Variants in FAM161A observed in about 807,000 individuals in gnomAD.
The protein encoded by FAM161A is FAM161 centrosomal protein A.
Under a neutral mutation model 70.9 loss-of-function variants are expected in FAM161A, and 57 were observed. The ratio of observed to expected loss-of-function variants is 0.80; its 90% CI spans 0.65 to 1.00. FAM161A has a LOEUF of 1.00. FAM161A is among the 50% of genes least tolerant of loss of function. The pLI, the probability that FAM161A is intolerant of heterozygous loss-of-function variation, is 0.00. For synonymous variants in FAM161A, 299 were observed against 295.7 expected (o/e 1.01, Z -0.12); for missense variants, 880 against 836.0 (o/e 1.05, Z -0.65).
At chr2:61,845,554 A>T (rs942992259) in intron 1 of FAM161A, among the ~76,000 whole-genome samples, 1 of 152,126 alleles carries the variant, frequency 6.6e-6, no homozygotes, top group East Asian at 1.9e-4. Context: ...CAGGTGTGGT[A>T]GCTCATGCCT....
chr2:61,828,475 C>T (rs780342306), intron 5 of FAM161A, among the ~76,000 whole-genome samples: 10 of 152,038 alleles, frequency 6.6e-5, no homozygotes, highest in Admixed American at 3.9e-4. Flanking sequence ...ACCATAGGCG[C>T]GTGCCACCAT....
the FAM161A span, among the ~76,000 whole-genome samples, chr2:61,813,810 T>C: frequency 2.0e-5 from 3 of 152,236 alleles, no homozygotes; most frequent in Admixed American, 6.5e-5. Context: ...GCTTGATTAT[T>C]ATGGATTTAT....
At chr2:61,801,505 A>T in the FAM161A span, among the ~76,000 whole-genome samples, 4 of 151,888 alleles carry the variant, frequency 2.6e-5, no homozygotes, top group Non-Finnish European at 5.9e-5. Flanking sequence ...TCAAAAAAAA[A>T]AAAATAGAAT....
the FAM161A span, among the ~76,000 whole-genome samples, chr2:61,810,223 GAAGT>G: frequency 1.2e-4 from 18 of 152,270 alleles, no homozygotes; most frequent in Non-Finnish European, 2.1e-4. Context: ...GGAAATAATA[GAAGT>G]AAGACAGAGA....
At chr2:61,804,819 A>AAAGAAAGAAAGG in the FAM161A span, among the ~76,000 whole-genome samples, 3 of 114,240 alleles carry the variant, frequency 2.6e-5, no homozygotes, top group East Asian at 2.9e-4. Context: ...AGAAAGAAAG[A>AAAGAAAGAAAGG]GAAAGAGAAA....
chr2:61,805,111 T>G, the FAM161A span, among the ~76,000 whole-genome samples: 1 of 152,180 alleles, frequency 6.6e-6, no homozygotes, highest in South Asian at 2.1e-4. Context: ...TTTTCCATCT[T>G]AACCAATTGC....
intron 5 of FAM161A, among the ~76,000 whole-genome samples, chr2:61,833,425 CAA>C (rs35987360): frequency 0.39 from 43,507 of 110,236 alleles, 6,665 homozygotes; most frequent in East Asian, 0.65. Flanking sequence ...GACTCTGTCT[CAA>C]AAAAAAAAAA....
At chr2:61,830,201 C>G (rs1245658449) in intron 5 of FAM161A, among the ~76,000 whole-genome samples, 1 of 152,102 alleles carries the variant, frequency 6.6e-6, no homozygotes, top group East Asian at 1.9e-4. Flanking sequence ...ATGAATGGTT[C>G]TGCAAAGAGC....
intron 1 of FAM161A, among the ~76,000 whole-genome samples, chr2:61,842,698 T>A (rs1485425078): frequency 6.6e-6 from 1 of 152,202 alleles, no homozygotes; most frequent in Non-Finnish European, 1.5e-5. Context: ...AGGAGCCTCC[T>A]GAGTTGTAAG....
At position 61,838,689 on chromosome 2, in the gene FAM161A, T is replaced by A. The variant is rs754970441; in HGVS notation, c.1600A>T (p.Lys534Ter). The A allele has an allele frequency of 6.2e-7, 1 of 1,607,876 alleles. No homozygotes were observed. Among genetic ancestry groups the A allele is most frequent in the South Asian group, 1.1e-5 (1 of 90,052 alleles). The change falls in exon 4 of 7, where the codon AAG becomes TAG. Residue 534 changes from lysine (K) to a stop codon, truncating the protein, a stop_gained. Transcript: ENST00000404929. LOFTEE classifies it high-confidence loss of function. ...TTTCTCTCTTCTTCCAACATTTTCT[T>A]TTCCTCAAGTGATCTCCTGAGGGTA... is the stretch of plus-strand genomic sequence containing the variant. ...EQAVRRSLEE[K>*]KMLEEERNRI...
chr2:61,836,213 A>G (rs1162576160), intron 4 of FAM161A, 104 bp from the exon 5 acceptor site: 23 of 879,256 alleles, frequency 2.6e-5, no homozygotes, highest in Middle Eastern at 3.4e-4. Context: ...CAATGAAAAA[A>G]AAGAAATAAC....
chr2:61,817,047 A>G, the FAM161A span, among the ~76,000 whole-genome samples: 2 of 152,192 alleles, frequency 1.3e-5, no homozygotes, highest in Non-Finnish European at 2.9e-5. Context: ...AACTTTATCT[A>G]AAAAAGAAAT....
rs369215114 is a variant in FAM161A, at chr2:61,842,678, T to C, written c.184-318A>G. Among the ~76,000 whole-genome samples the C allele has an allele frequency of 3.0e-4, 46 of 152,294 alleles. 1 individual carries two copies. Among genetic ancestry groups the C allele is most frequent in the South Asian group, 1.9e-3 (9 of 4,826 alleles). ...TAGAACCCAACAACCCTTTACAAAGTATTTCTATAAGGAGCCTCCTGAGTT... is the reference window on the plus strand; with the variant it reads ...TAGAACCCAACAACCCTTTACAAAGCATTTCTATAAGGAGCCTCCTGAGTT... On this transcript the variant is annotated intron_variant, in intron 1 of 6. Transcript: ENST00000404929.
At chr2:61,817,388 A>G in the FAM161A span, among the ~76,000 whole-genome samples, 1 of 152,370 alleles carries the variant, frequency 6.6e-6, no homozygotes, top group East Asian at 1.9e-4. Flanking sequence ...ACAAGCTCTT[A>G]ATCAGCCATA....
chr2:61,838,854 A>ATATTTATTTATTTATTTATTTATT (rs10645430), intron 3 of FAM161A, 149 bp from the exon 4 acceptor site: 1 of 151,008 alleles, frequency 6.6e-6, no homozygotes, highest in Non-Finnish European at 1.3e-5. Context: ...AAAACTAGAA[A>ATATTTATTTATTTATTTATTTATT]TATTTATTTA....
the FAM161A span, among the ~76,000 whole-genome samples, chr2:61,814,248 T>TGA: frequency 6.6e-6 from 1 of 152,232 alleles, no homozygotes; most frequent in South Asian, 2.1e-4. Flanking sequence ...CCATTTTCTC[T>TGA]GAGTTCCTAG....
chr2:61,844,621 C>T (rs1318974719), intron 1 of FAM161A, among the ~76,000 whole-genome samples: 1 of 152,110 alleles, frequency 6.6e-6, no homozygotes, highest in Non-Finnish European at 1.5e-5. Flanking sequence ...GTCACCTGAA[C>T]CCAGGAGGTG....
At chr2:61,806,133 G>C in the FAM161A span, among the ~76,000 whole-genome samples, 1 of 152,024 alleles carries the variant, frequency 6.6e-6, no homozygotes. Context: ...CAGGAGAATC[G>C]CTTGAATCTA....
chr2:61,843,929 G>A lies in FAM161A; in HGVS notation c.184-1569C>T, dbSNP rs1263009712. Among the ~76,000 whole-genome samples, 4 of 151,882 alleles carry A rather than the reference G, an allele frequency of 2.6e-5. No homozygotes were observed. In the East Asian group the frequency reaches 7.8e-4, roughly 30 times the overall value. ...GAGGCCGAGGCAGGTGGATCACGAG[G>A]TCAGGAGATTGAGACAATCCTGGCT... On this transcript the variant is annotated intron_variant, in intron 1 of 6. Transcript: ENST00000404929.
Sources: gnomAD v4.1 joint callset for allele counts (sites outside exome capture counted in the v4.1 genomes callset) on GRCh38, gnomAD v4.1.1 for gene constraint, MANE v1.5 for transcripts, NCBI Gene and HGNC (gene_info 2026-07-23, HGNC 2026-07-21) for gene names.